Variants in PPA2 observed in about 807,000 individuals in gnomAD.
PPA2 encodes inorganic pyrophosphatase 2, mitochondrial.
A neutral mutation model predicts 49.5 loss-of-function variants in PPA2; 48 were observed. The ratio of observed to expected loss-of-function variants is 0.97; its 90% confidence interval spans 0.77 to 1.23. The LOEUF is 1.23. PPA2 is among the 50% of genes most tolerant of loss of function. The pLI, the probability that PPA2 is intolerant of heterozygous loss-of-function variation, is 0.00. For synonymous variants in PPA2, 131 were observed against 139.9 expected, an observed-to-expected ratio of 0.94 and a Z score of 0.45; for missense variants, 429 against 410.1, an observed-to-expected ratio of 1.05 and a Z score of -0.40.
intron 10 of PPA2, among the ~76,000 whole-genome samples, chr4:105,378,423 C>T (rs1006178879): frequency 5.9e-5 from 9 of 152,042 alleles, no homozygotes; most frequent in African/African-American, 1.7e-4. Flanking sequence ...ATATTTTGTA[C>T]ATTTTTAAAA....
At chr4:105,425,383 A>C (rs979786183) in intron 6 of PPA2, among the ~76,000 whole-genome samples, 2 of 152,182 alleles carry the variant, frequency 1.3e-5, no homozygotes, top group African/African-American at 4.8e-5. Flanking sequence ...AACAAAAAAA[A>C]CCAAATAGAA....
chr4:105,394,071 C>T (rs546204903), intron 9 of PPA2, among the ~76,000 whole-genome samples: 1 of 151,794 alleles, frequency 6.6e-6, no homozygotes, highest in East Asian at 1.9e-4. Flanking sequence ...TAGCTATTAA[C>T]AGAGTAAGGT....
intron 10 of PPA2, among the ~76,000 whole-genome samples, chr4:105,384,223 C>T (rs1490605): frequency 0.37 from 56,924 of 152,020 alleles, 12,637 homozygotes; most frequent in East Asian, 0.68. Context: ...AGTGAAGAGG[C>T]ACTGGTTTCT....
chr4:105,447,369 T>C (rs539399951), intron 4 of PPA2, among the ~76,000 whole-genome samples: 13 of 152,248 alleles, frequency 8.5e-5, no homozygotes, highest in African/African-American at 2.9e-4. Context: ...AGTGGAATTA[T>C]AGTTACAGAG....
intron 1 of PPA2, among the ~76,000 whole-genome samples, chr4:105,456,977 T>C (rs1441901229): frequency 6.6e-6 from 1 of 152,072 alleles, no homozygotes; most frequent in Non-Finnish European, 1.5e-5. Flanking sequence ...AATTTACTTA[T>C]CCCTGTGGCT....
At chr4:105,465,435 T>C (rs1201947069) in intron 1 of PPA2, among the ~76,000 whole-genome samples, 1 of 152,202 alleles carries the variant, frequency 6.6e-6, no homozygotes, top group Non-Finnish European at 1.5e-5. Flanking sequence ...AACTGGATGC[T>C]TTCCGGGCAT....
chr4:105,404,668 G>C (rs1485575998), intron 7 of PPA2, among the ~76,000 whole-genome samples: 1 of 152,118 alleles, frequency 6.6e-6, no homozygotes, highest in Non-Finnish European at 1.5e-5. Context: ...TAATAAAAGG[G>C]AATAATTCTT....
chr4:105,370,195 G>T (rs1560600198), intron 11 of PPA2, among the ~76,000 whole-genome samples: 1 of 152,044 alleles, frequency 6.6e-6, no homozygotes, highest in African/African-American at 2.4e-5. Context: ...TCATGTCTAT[G>T]GATTTACTCC....
intron 9 of PPA2, among the ~76,000 whole-genome samples, chr4:105,388,694 A>C (rs1482643787): frequency 6.6e-6 from 1 of 151,982 alleles, no homozygotes; most frequent in Non-Finnish European, 1.5e-5. Flanking sequence ...GCATGGTGGC[A>C]CACACTTGTA....
Position 105,369,634 on chromosome 4 carries a change from G to C in PPA2, c.*91C>G, listed in dbSNP as rs987645233. The C allele has an allele frequency of 7.4e-6, 9 of 1,221,304 alleles. No homozygotes were observed. The African/African-American group carries it at 1.4e-4, about 19-fold the overall frequency. The allele number at this position is 1,221,304 out of a possible 1,614,324, so 75.7% of individuals were successfully genotyped here. On this transcript the variant is annotated 3_prime_UTR_variant, in exon 12 of 12. Coordinates refer to ENST00000341695, the MANE Select transcript of PPA2 (RefSeq NM_176869.3). ...GTTTGAAAAAATGAAGTTTTAACAG[G>C]AAGTCAGTAAATGCTCATAGACCCC... is the stretch of plus-strand genomic sequence containing the variant.
At chr4:105,462,677 G>A (rs770216830) in intron 1 of PPA2, among the ~76,000 whole-genome samples, 13 of 152,142 alleles carry the variant, frequency 8.5e-5, no homozygotes, top group Admixed American at 3.3e-4. Flanking sequence ...ATATGGTTTG[G>A]CTGTGTCCCC....
chr4:105,465,111 A>T (rs1406737167), intron 1 of PPA2, among the ~76,000 whole-genome samples: 1 of 152,194 alleles, frequency 6.6e-6, no homozygotes, highest in Admixed American at 6.5e-5. Context: ...ACCATCCCAC[A>T]TCTAGTGAAT....
intron 10 of PPA2, among the ~76,000 whole-genome samples, chr4:105,371,720 A>G (rs1333969114): frequency 6.6e-6 from 1 of 152,210 alleles, no homozygotes; most frequent in African/African-American, 2.4e-5. Context: ...ATATATATCT[A>G]AATATTTAAA....
Position 105,396,290 on chromosome 4 carries a change from T to C in PPA2, c.828A>G (p.Lys276=). ...CATTACACTTCTTCATAAGCAATGC[T>C]TTCCAACATTGATGAGTGGATTTAA... ...EVIKSTHQCW[K]ALLMKKCNGG... The change falls in exon 9 of 12, where the codon AAA becomes AAG. Residue 276 remains lysine, a synonymous_variant. Coordinates refer to ENST00000341695, the MANE Select transcript of PPA2 (RefSeq NM_176869.3). 2 of 1,598,622 alleles carry C rather than the reference T, an allele frequency of 1.3e-6. No homozygotes were observed. The highest frequency in any genetic ancestry group is 1.7e-6 in the Non-Finnish European group (2 of 1,173,310).
chr4:105,470,536 A>AAC (rs1723478703), intron 1 of PPA2, among the ~76,000 whole-genome samples: 1 of 152,218 alleles, frequency 6.6e-6, no homozygotes, highest in East Asian at 1.9e-4. Context: ...AAACAACAAC[A>AAC]ACAAAAAACC....
Position 105,403,901 on chromosome 4 carries a change from C to G in PPA2, c.656-4737G>C, listed in dbSNP as rs566010027. Among the ~76,000 whole-genome samples, 204 of 150,058 alleles carry G rather than the reference C, an allele frequency of 1.4e-3. 1 individual carries two copies. The Middle Eastern group carries it at 0.014, about 10-fold the overall frequency. On this transcript the variant is annotated intron_variant, in intron 7 of 11. Coordinates refer to ENST00000341695, the MANE Select transcript of PPA2 (RefSeq NM_176869.3). The stretch of plus-strand genomic sequence containing the variant: ...AAATCTAATTGGAAAATTCTTTCTA[C>G]TCTTTTTTTTTTTTTGAATCCAAAA...
intron 7 of PPA2, among the ~76,000 whole-genome samples, chr4:105,412,477 T>A (rs543241100): frequency 1.5e-4 from 23 of 152,166 alleles, no homozygotes; most frequent in Non-Finnish European, 2.8e-4. Flanking sequence ...GAAGCCAAAA[T>A]TGACAAATGG....
chr4:105,388,918 A>C (rs1007557813), intron 9 of PPA2, among the ~76,000 whole-genome samples: 1 of 152,100 alleles, frequency 6.6e-6, no homozygotes, highest in East Asian at 1.9e-4. Context: ...TTCTTGTAAG[A>C]TAAACCGATA....
intron 2 of PPA2, among the ~76,000 whole-genome samples, chr4:105,454,779 T>C (rs1722815010): frequency 6.6e-6 from 1 of 152,292 alleles, no homozygotes; most frequent in East Asian, 1.9e-4. Flanking sequence ...TATCCTGTTG[T>C]ATTTGCTGGC....
Sources: allele counts gnomAD v4.1 joint callset (sites outside exome capture counted in the v4.1 genomes callset), GRCh38; gene constraint gnomAD v4.1.1; transcripts MANE v1.5; gene names NCBI Gene and HGNC (gene_info 2026-07-23, HGNC 2026-07-21).